The following CACNA1E variants were observed in gnomAD, a reference collection of about 807,000 sequenced individuals.
CACNA1E encodes the protein calcium voltage-gated channel subunit alpha1 E, also known as voltage-dependent R-type calcium channel subunit alpha-1E.
CACNA1E carries 40 observed loss-of-function variants against 259.2 expected under a neutral mutation model. The ratio of observed to expected loss-of-function variants is 0.15; its 90% confidence interval spans 0.12 to 0.20. The LOEUF (loss-of-function observed/expected upper bound fraction) is 0.20, where lower values mean the gene tolerates loss of function less well. CACNA1E is among the 10% of genes least tolerant of loss of function. The pLI, the probability that CACNA1E is intolerant of heterozygous loss-of-function variation, is 1.00. For synonymous variants in CACNA1E, 1,104 were observed against 1,138.5 expected (o/e 0.97, Z 0.61); for missense variants, 1,874 against 3,040.1 (o/e 0.62, Z 9.02).
At chr1:181,336,011 A>G (rs567584046) in intron 1 of CACNA1E, among the ~76,000 whole-genome samples, 2 of 152,342 alleles carry the variant, frequency 1.3e-5, no homozygotes, top group African/African-American at 4.8e-5. Context: ...ACTTTTCAGG[A>G]TAGTCCCTTC....
chr1:181,740,879 C>T (rs960935833), intron 25 of CACNA1E, among the ~76,000 whole-genome samples: 2 of 152,110 alleles, frequency 1.3e-5, no homozygotes, highest in East Asian at 3.9e-4. Flanking sequence ...TGTCTGGATT[C>T]TCATGGTGCA....
chr1:181,687,141 A>G (rs988601119), intron 7 of CACNA1E, among the ~76,000 whole-genome samples: 2 of 152,158 alleles, frequency 1.3e-5, no homozygotes, highest in Non-Finnish European at 2.9e-5. Flanking sequence ...GGAATGAACC[A>G]TCTAACCTCC....
At position 181,798,618 on chromosome 1, in the gene CACNA1E, AGAC is replaced by A; in HGVS notation, c.6727_6729del (p.Asp2243del). ...CCCTGCACGAAGACTCCCACGCCTC[AGAC>A]TGTGGTGAGGAGGAGACGCTCACTT... On this transcript the variant is annotated inframe_deletion, in exon 48 of 48. Coordinates refer to ENST00000367573, the MANE Select transcript of CACNA1E (RefSeq NM_001205293.3). This position sits in a 1 kb window ranked among gnomAD's most constrained non-coding sequence, Gnocchi z 4.2. 1 of 1,613,034 alleles carries A rather than the reference AGAC, an allele frequency of 6.2e-7. No individual in the cohort carries two copies. Among genetic ancestry groups the A allele is most frequent in the Non-Finnish European group, 8.5e-7 (1 of 1,179,618 alleles).
chr1:181,618,930 T>C (rs1399620592), intron 6 of CACNA1E, among the ~76,000 whole-genome samples: 1 of 152,222 alleles, frequency 6.6e-6, no homozygotes. Context: ...AAATTATCAG[T>C]TTTTAAATTC....
intron 1 of CACNA1E, among the ~76,000 whole-genome samples, chr1:181,490,468 C>T (rs1664213256): frequency 1.3e-5 from 2 of 151,514 alleles, no homozygotes; most frequent in South Asian, 4.2e-4. Context: ...AATGCTATGC[C>T]CAGCTAGGCT....
intron 3 of CACNA1E, among the ~76,000 whole-genome samples, chr1:181,554,191 C>A (rs1052528746): frequency 6.6e-6 from 1 of 152,028 alleles, no homozygotes. Context: ...AGTTTTATTT[C>A]TTGTATAGAT....
chr1:181,587,947 T>G (rs920840807), intron 6 of CACNA1E, among the ~76,000 whole-genome samples: 4 of 152,306 alleles, frequency 2.6e-5, no homozygotes, highest in Admixed American at 2.0e-4. Context: ...ATTCAGTCTG[T>G]GGAGTAAGTT....
At chr1:181,616,809 T>G (rs1655260935) in intron 6 of CACNA1E, among the ~76,000 whole-genome samples, 1 of 152,194 alleles carries the variant, frequency 6.6e-6, no homozygotes, top group Non-Finnish European at 1.5e-5. Flanking sequence ...AAACTTTCTT[T>G]GTTTTGTCTT....
At chr1:181,568,233 G>T (rs1650045553) in intron 3 of CACNA1E, among the ~76,000 whole-genome samples, 3 of 152,262 alleles carry the variant, frequency 2.0e-5, no homozygotes, top group Non-Finnish European at 1.5e-5. Flanking sequence ...CTGGAGAGCT[G>T]CCTGGCCTCC....
At chr1:181,762,521 CTTT>C in intron 32 of CACNA1E, 50 bp from the exon 33 acceptor site, 1 of 944,512 alleles carries the variant, frequency 1.1e-6, no homozygotes, top group Non-Finnish European at 1.6e-6. Flanking sequence ...GTCTTTTCTC[CTTT>C]TTTTTTTCTT....
chr1:181,437,580 T>C (rs1660180063), intron 2 of CACNA1E, among the ~76,000 whole-genome samples: 1 of 152,192 alleles, frequency 6.6e-6, no homozygotes, highest in Admixed American at 6.5e-5. Flanking sequence ...AGTCCCATGG[T>C]TCTTTCTCTG....
At chr1:181,577,704 G>A (rs1000180231) in intron 3 of CACNA1E, 62 bp from the exon 4 acceptor site, 1 of 1,140,820 alleles carries the variant, frequency 8.8e-7, no homozygotes, top group South Asian at 1.4e-5. Flanking sequence ...CCCGCTTCCT[G>A]CATGGAACAA....
chr1:181,322,810 G>A (rs535061209), intron 1 of CACNA1E, among the ~76,000 whole-genome samples: 1 of 152,348 alleles, frequency 6.6e-6, no homozygotes, highest in South Asian at 2.1e-4. Flanking sequence ...ATAAACACTA[G>A]TCTGGGCTTG....
rs1317601091 is a variant in CACNA1E at position 181,617,696 on chromosome 1, C to T, written c.952-33642C>T. Among the ~76,000 whole-genome samples, 3 of 152,302 alleles carry T rather than the reference C, an allele frequency of 2.0e-5. No homozygotes were observed. The East Asian group carries it at 5.8e-4, about 29-fold the overall frequency. ...TCTTTGCCAACATTCCCAACAACCC[C>T]TCCTTTTCAATGTTCTCTCACAGAA... On this transcript the variant is annotated intron_variant, in intron 6 of 47. Coordinates refer to ENST00000367573, the MANE Select transcript of CACNA1E (RefSeq NM_001205293.3).
chr1:181,571,666 A>T (rs145871802), intron 3 of CACNA1E, among the ~76,000 whole-genome samples: 1 of 152,226 alleles, frequency 6.6e-6, no homozygotes, highest in Non-Finnish European at 1.5e-5. Context: ...TGGGCTGGTT[A>T]AACATCTAAC....
At chr1:181,603,837 T>C (rs1426087106) in intron 6 of CACNA1E, among the ~76,000 whole-genome samples, 1 of 152,226 alleles carries the variant, frequency 6.6e-6, no homozygotes, top group Non-Finnish European at 1.5e-5. Context: ...CCTGTCTCCC[T>C]GGCTCTGAGT....
intron 1 of CACNA1E, among the ~76,000 whole-genome samples, chr1:181,367,368 G>T (rs1185278476): frequency 6.6e-6 from 1 of 150,942 alleles, no homozygotes; most frequent in African/African-American, 2.4e-5. Context: ...TTTTTTCTCA[G>T]CTTTTCCCAG....
intron 3 of CACNA1E, among the ~76,000 whole-genome samples, chr1:181,570,949 C>T (rs1441565924): frequency 6.6e-6 from 1 of 152,212 alleles, no homozygotes; most frequent in Non-Finnish European, 1.5e-5. Context: ...CCAGCCTGGT[C>T]TTCCAATATC....
At chr1:181,539,816 A>G (rs1314013793) in intron 3 of CACNA1E, among the ~76,000 whole-genome samples, 3 of 152,250 alleles carry the variant, frequency 2.0e-5, no homozygotes, top group East Asian at 3.8e-4. Flanking sequence ...CACAGAAGAT[A>G]GACCCAGAGT....
Sources: allele counts gnomAD v4.1 joint callset (sites outside exome capture counted in the v4.1 genomes callset), GRCh38; gene constraint gnomAD v4.1.1; non-coding constraint Gnocchi (gnomAD v3.1); transcripts MANE v1.5; gene names NCBI Gene and HGNC (gene_info 2026-07-23, HGNC 2026-07-21).